MECOM: variants seen among roughly 807,000 people sequenced by gnomAD.
The protein encoded by MECOM is MDS1 and EVI1 complex locus.
In MECOM, 13 loss-of-function variants were observed where a neutral mutation model predicts 116.3. The observed-to-expected ratio is 0.11, with a 90% CI of 0.07 to 0.18. The LOEUF (loss-of-function observed/expected upper bound fraction) is 0.18, where lower values mean the gene tolerates loss of function less well. Ranked by LOEUF, MECOM falls within the 10% of genes least tolerant of loss-of-function variation. MECOM has a pLI of 1.00. For synonymous variants in MECOM, 528 were observed against 535.2 expected (o/e 0.99, Z 0.19); for missense variants, 1,299 against 1,509.0 (o/e 0.86, Z 2.31).
chr3:169,412,204 T>A (rs536586713), intron 1 of MECOM, among the ~76,000 whole-genome samples: 1 of 149,294 alleles, frequency 6.7e-6, no homozygotes, highest in East Asian at 2.0e-4. Context: ...GAAAATCACC[T>A]GAACCCAGGA....
intron 2 of MECOM, among the ~76,000 whole-genome samples, chr3:169,280,806 T>C (rs1309932906): frequency 2.0e-5 from 3 of 152,180 alleles, no homozygotes; most frequent in African/African-American, 7.2e-5. Flanking sequence ...GAGAGGCTGA[T>C]GGCAAATAAG....
intron 2 of MECOM, among the ~76,000 whole-genome samples, chr3:169,149,933 CTCTGTGTGTGTGTGTG>C (rs1354829678): frequency 8.6e-6 from 1 of 116,202 alleles, no homozygotes; most frequent in African/African-American, 3.1e-5. Flanking sequence ...CTTTCTCTCT[CTCTGTGTGTGTGTGTG>C]TGTGTGTGTG....
At chr3:169,654,297 AC>A (rs1345253550) in intron 1 of MECOM, among the ~76,000 whole-genome samples, 9 of 152,198 alleles carry the variant, frequency 5.9e-5, no homozygotes, top group African/African-American at 2.2e-4. Flanking sequence ...ATGATAATAA[AC>A]AGAGCAAAGT....
At chr3:169,646,428 G>A (rs1467047704) in intron 1 of MECOM, among the ~76,000 whole-genome samples, 4 of 151,960 alleles carry the variant, frequency 2.6e-5, no homozygotes, top group Non-Finnish European at 4.4e-5. Flanking sequence ...AAAACTGCAC[G>A]TTGTGCACAG....
chr3:169,178,515 G>A (rs189477320), intron 2 of MECOM, among the ~76,000 whole-genome samples: 2 of 152,230 alleles, frequency 1.3e-5, no homozygotes, highest in East Asian at 3.9e-4. Flanking sequence ...TGAAGCTTGG[G>A]GAGGACAATG....
chr3:169,610,437 G>A (rs1769103306), intron 1 of MECOM, among the ~76,000 whole-genome samples: 1 of 152,068 alleles, frequency 6.6e-6, no homozygotes, highest in African/African-American at 2.4e-5. Flanking sequence ...CACTTTGAAA[G>A]TGTTGACCAA....
intron 1 of MECOM, among the ~76,000 whole-genome samples, chr3:169,565,109 A>G (rs1397819608): frequency 6.6e-6 from 1 of 152,228 alleles, no homozygotes; most frequent in Non-Finnish European, 1.5e-5. Context: ...AGGAAAGCTC[A>G]GTGTGGCTGA....
At chr3:169,213,501 T>C (rs1751048157) in intron 2 of MECOM, among the ~76,000 whole-genome samples, 1 of 152,178 alleles carries the variant, frequency 6.6e-6, no homozygotes, top group Non-Finnish European at 1.5e-5. Context: ...TCTCAACTTT[T>C]ATCCTATTAA....
intron 1 of MECOM, among the ~76,000 whole-genome samples, chr3:169,643,194 AGGG>A (rs1773719086): frequency 1.3e-5 from 2 of 152,190 alleles, no homozygotes; most frequent in African/African-American, 4.8e-5. Context: ...TTTTTTTCTC[AGGG>A]AGCCTAATAA....
intron 1 of MECOM, among the ~76,000 whole-genome samples, chr3:169,432,822 A>G (rs1283712398): frequency 6.6e-6 from 1 of 152,256 alleles, no homozygotes; most frequent in Non-Finnish European, 1.5e-5. Flanking sequence ...GAAAAGGTTA[A>G]AGGCTACAGT....
intron 14 of MECOM, 29 bp downstream of exon 14, chr3:169,092,929 A>G: frequency 6.2e-7 from 1 of 1,606,462 alleles, no homozygotes; most frequent in Non-Finnish European, 8.5e-7. Flanking sequence ...CAGTCGTCAC[A>G]GAGTTTAAAA....
chr3:169,279,614 A>T (rs1026290650), intron 2 of MECOM, among the ~76,000 whole-genome samples: 4 of 152,176 alleles, frequency 2.6e-5, no homozygotes, highest in Non-Finnish European at 5.9e-5. Flanking sequence ...ACGTTTGTGC[A>T]TGTATGTGGC....
intron 1 of MECOM, among the ~76,000 whole-genome samples, chr3:169,448,306 A>G (rs767163054): frequency 2.8e-4 from 43 of 152,178 alleles, no homozygotes; most frequent in Non-Finnish European, 4.7e-4. Context: ...TTTTAAGAAG[A>G]TATAGAACTA....
At chr3:169,249,853 C>A (rs1386044789) in intron 2 of MECOM, among the ~76,000 whole-genome samples, 1 of 152,168 alleles carries the variant, frequency 6.6e-6, no homozygotes. Context: ...ATGAACCAAC[C>A]AATTTAAATT....
At position 169,115,953 on chromosome 3, in the gene MECOM, T is replaced by C. The variant is rs765117006; in HGVS notation, c.1919A>G (p.Asn640Ser). The C allele has an allele frequency of 2.5e-6, 4 of 1,614,034 alleles. 1 individual carries two copies. The Admixed American group carries it at 5.0e-5, about 20-fold the overall frequency. Residue 640 changes from asparagine to serine, a missense_variant, in exon 8 of 17, where the codon AAT (asparagine) becomes AGT (serine). By Grantham distance (46) the Asn-to-Ser change is conservative. Coordinates refer to ENST00000651503, the MANE Select transcript of MECOM (RefSeq NM_004991.4). ...TAAAGATGGTGAGAAAATGGAATGATTGCTGTATTCTTTCTTATTATTTAT... is the reference window on the plus strand; with the variant it reads ...TAAAGATGGTGAGAAAATGGAATGACTGCTGTATTCTTTCTTATTATTTAT... ...ASINNKKEYS[N>S]HSIFSPSLEE... is the part of the protein sequence containing the mutation.
intron 2 of MECOM, among the ~76,000 whole-genome samples, chr3:169,300,316 C>A (rs1425684861): frequency 6.6e-6 from 1 of 152,112 alleles, no homozygotes; most frequent in Non-Finnish European, 1.5e-5. Context: ...AGTAAATAAT[C>A]ATAATTTACA....
At chr3:169,231,895 A>G (rs751003704) in intron 2 of MECOM, among the ~76,000 whole-genome samples, 6 of 152,142 alleles carry the variant, frequency 3.9e-5, no homozygotes, top group Non-Finnish European at 7.4e-5. Context: ...CAGTTAAGAC[A>G]GTGTCCCAAA....
chr3:169,185,470 G>A (rs1295190473), intron 2 of MECOM, among the ~76,000 whole-genome samples: 3 of 152,220 alleles, frequency 2.0e-5, no homozygotes, highest in African/African-American at 7.2e-5. Flanking sequence ...AGGTGTTGTG[G>A]GCAAAATGAA....
intron 1 of MECOM, among the ~76,000 whole-genome samples, chr3:169,458,711 T>G (rs1746934304): frequency 6.6e-6 from 1 of 152,174 alleles, no homozygotes; most frequent in Non-Finnish European, 1.5e-5. Flanking sequence ...ATTTTTTGAT[T>G]ACTGCTATAG....
Sources: gnomAD v4.1 joint callset for allele counts (sites outside exome capture counted in the v4.1 genomes callset) on GRCh38, gnomAD v4.1.1 for gene constraint, MANE v1.5 for transcripts, NCBI Gene and HGNC (gene_info 2026-07-23, HGNC 2026-07-21) for gene names.